The following DNAJC1 variants were observed in gnomAD, a reference collection of about 807,000 sequenced individuals.
DNAJC1 encodes DnaJ heat shock protein family (Hsp40) member C1.
Under a neutral mutation model 76.6 loss-of-function variants are expected in DNAJC1, and 58 were observed. The ratio of observed to expected loss-of-function variants is 0.76; its 90% CI spans 0.61 to 0.94. DNAJC1 has a LOEUF of 0.94. Ranked by LOEUF, DNAJC1 falls within the 40% of genes least tolerant of loss-of-function variation. DNAJC1 has a pLI of 0.00. For missense variants in DNAJC1, 689 were observed against 677.3 expected, an observed-to-expected ratio of 1.02 and a Z score of -0.19; for synonymous variants, 258 against 267.9, an observed-to-expected ratio of 0.96 and a Z score of 0.36.
At chr10:21,918,602 A>ATATCTAAATTATCTTAGAAT (rs1491460158) in intron 6 of DNAJC1, among the ~76,000 whole-genome samples, 177 bp downstream of exon 6, 2 of 152,094 alleles carry the variant, frequency 1.3e-5, no homozygotes, top group South Asian at 2.1e-4. Flanking sequence ...TTACAGAAAC[A>ATATCTAAATTATCTTAGAAT]TATCTAAATT....
chr10:21,855,183 C>T (rs566474410), intron 8 of DNAJC1, among the ~76,000 whole-genome samples: 3 of 152,048 alleles, frequency 2.0e-5, no homozygotes, highest in African/African-American at 7.2e-5. Flanking sequence ...AGCAAGAATA[C>T]AAAACACATA....
At chr10:21,858,909 T>G (rs991325902) in intron 8 of DNAJC1, among the ~76,000 whole-genome samples, 1 of 152,196 alleles carries the variant, frequency 6.6e-6, no homozygotes, top group Non-Finnish European at 1.5e-5. Flanking sequence ...TGAATGATTG[T>G]TTCCACAAAA....
intron 1 of DNAJC1, among the ~76,000 whole-genome samples, chr10:21,985,466 C>T (rs1838229811): frequency 1.3e-5 from 2 of 152,144 alleles, no homozygotes; most frequent in South Asian, 2.1e-4. Context: ...CCAGGCTGAT[C>T]CCGAACTCCT....
At chr10:21,965,157 C>CAG (rs1837871132) in intron 1 of DNAJC1, among the ~76,000 whole-genome samples, 1 of 152,120 alleles carries the variant, frequency 6.6e-6, no homozygotes, top group African/African-American at 2.4e-5. Context: ...CTCAGTCCCT[C>CAG]ATGTCTGCAT....
At chr10:21,952,382 G>C (rs1398365627) in intron 1 of DNAJC1, among the ~76,000 whole-genome samples, 3 of 152,040 alleles carry the variant, frequency 2.0e-5, no homozygotes, top group Non-Finnish European at 4.4e-5. Flanking sequence ...TTCACTGAAT[G>C]CTTTATGAGA....
intron 11 of DNAJC1, 145 bp downstream of exon 11, chr10:21,759,025 T>C (rs773041380): frequency 4.1e-5 from 35 of 847,958 alleles, no homozygotes; most frequent in Middle Eastern, 7.2e-4. Flanking sequence ...TAGGGAGAAA[T>C]ATACTGGAAG....
At chr10:21,980,774 A>G (rs1159559979) in intron 1 of DNAJC1, among the ~76,000 whole-genome samples, 4 of 152,164 alleles carry the variant, frequency 2.6e-5, no homozygotes, top group Admixed American at 2.6e-4. Context: ...TTATTTCAAA[A>G]TGAAAAATTA....
chr10:21,802,023 A>G (rs958769327), intron 9 of DNAJC1, among the ~76,000 whole-genome samples: 4 of 152,150 alleles, frequency 2.6e-5, no homozygotes, highest in African/African-American at 7.2e-5. Flanking sequence ...AAAAATAACT[A>G]TTGGGTAGTA....
intron 8 of DNAJC1, among the ~76,000 whole-genome samples, chr10:21,834,455 G>A (rs566315600): frequency 2.8e-4 from 42 of 152,298 alleles, no homozygotes; most frequent in African/African-American, 1.0e-3. Context: ...TCTCACTGGG[G>A]AGTACCAGAC....
At chr10:21,852,935 G>A (rs368551142) in intron 8 of DNAJC1, among the ~76,000 whole-genome samples, 2 of 152,048 alleles carry the variant, frequency 1.3e-5, no homozygotes, top group South Asian at 4.1e-4. Flanking sequence ...TTACTAGTTA[G>A]CTATGATTTT....
chr10:21,813,204 CTCTCTCTCTCTCTCTCTATATATA>C (rs1835009535), intron 8 of DNAJC1, among the ~76,000 whole-genome samples: 2 of 77,190 alleles, frequency 2.6e-5, no homozygotes. Flanking sequence ...CTCTCTCTCT[CTCTCTCTCTCTCTCTCTATATATA>C]TATATATATA....
At chr10:21,832,345 T>C (rs1302386190) in intron 8 of DNAJC1, among the ~76,000 whole-genome samples, 2 of 152,210 alleles carry the variant, frequency 1.3e-5, no homozygotes, top group East Asian at 3.9e-4. Context: ...ATCAAATGTA[T>C]GTCAAGGTCC....
intron 7 of DNAJC1, among the ~76,000 whole-genome samples, chr10:21,890,633 G>A (rs182755735): frequency 2.6e-5 from 4 of 152,092 alleles, no homozygotes; most frequent in African/African-American, 7.2e-5. Context: ...ATCCACAAAC[G>A]CTCCGTTCCT....
chr10:21,832,191 T>A (rs931957708), intron 8 of DNAJC1, among the ~76,000 whole-genome samples: 4 of 152,212 alleles, frequency 2.6e-5, no homozygotes, highest in Non-Finnish European at 5.9e-5. Context: ...TTTTATCTCC[T>A]GCAACATTCC....
At chr10:21,987,653 T>C (rs1222566187) in intron 1 of DNAJC1, among the ~76,000 whole-genome samples, 1 of 152,198 alleles carries the variant, frequency 6.6e-6, no homozygotes, top group African/African-American at 2.4e-5. Context: ...TTTATAACCT[T>C]CAATAGATTA....
chr10:21,774,878 A>G (rs1024742291), intron 9 of DNAJC1, among the ~76,000 whole-genome samples: 2 of 152,244 alleles, frequency 1.3e-5, no homozygotes, highest in Non-Finnish European at 2.9e-5. Context: ...ATTACCTTAG[A>G]GAATCATTCA....
intron 9 of DNAJC1, among the ~76,000 whole-genome samples, chr10:21,790,145 A>T (rs1303771433): frequency 1.3e-5 from 2 of 151,420 alleles, no homozygotes; most frequent in Non-Finnish European, 3.0e-5. Context: ...AAAAAAAGCA[A>T]AAAATCAAAA....
intron 1 of DNAJC1, among the ~76,000 whole-genome samples, chr10:21,941,063 A>G (rs1056266637): frequency 1.3e-5 from 2 of 148,882 alleles, no homozygotes; most frequent in Non-Finnish European, 3.0e-5. Flanking sequence ...CATCCTGGCT[A>G]ACACGGTGAA....
At chr10:21,967,761 G>A (rs1040288664) in intron 1 of DNAJC1, among the ~76,000 whole-genome samples, 7 of 152,038 alleles carry the variant, frequency 4.6e-5, no homozygotes, top group Non-Finnish European at 7.4e-5. Flanking sequence ...CAAATTCTGC[G>A]GACTCGAGTT....
Sources: gnomAD v4.1 joint callset for allele counts (sites outside exome capture counted in the v4.1 genomes callset) on GRCh38, gnomAD v4.1.1 for gene constraint, MANE v1.5 for transcripts, NCBI Gene and HGNC (gene_info 2026-07-23, HGNC 2026-07-21) for gene names.